The following SEC16B variants were observed in gnomAD, a reference collection of about 807,000 sequenced individuals.
SEC16B encodes the protein SEC16 homolog B, endoplasmic reticulum export factor.
Under a neutral mutation model 141.8 loss-of-function variants are expected in SEC16B, and 115 were observed. The observed-to-expected ratio is 0.81, with a 90% CI of 0.70 to 0.95. The LOEUF is 0.95. Among genes scored for constraint, SEC16B ranks in the 40% least tolerant of loss-of-function variants. The pLI is 0.00. For synonymous variants in SEC16B, 493 were observed against 492.5 expected, an observed-to-expected ratio of 1.00 and a Z score of -0.01; for missense variants, 1,291 against 1,312.3, an observed-to-expected ratio of 0.98 and a Z score of 0.25.
At chr1:177,961,562 C>T in intron 6 of SEC16B, 28 bp downstream of exon 6, 2 of 1,585,532 alleles carry the variant, frequency 1.3e-6, no homozygotes, top group South Asian at 2.3e-5. Flanking sequence ...CAGATTCAAT[C>T]AACTCTTCTG....
exon 1 of SEC16B, chr1:177,984,253 C>A (rs1654542139): frequency 6.6e-6 from 1 of 152,186 alleles, no homozygotes; most frequent in African/African-American, 2.4e-5. Flanking sequence ...TCTGCTATAT[C>A]CCATCATGAC....
intron 5 of SEC16B, 44 bp downstream of exon 5, chr1:177,964,127 G>C: frequency 7.1e-7 from 1 of 1,415,646 alleles, no homozygotes; most frequent in Non-Finnish European, 9.8e-7. Flanking sequence ...TGTCAGCTGC[G>C]ACACATGGCC....
At chr1:177,981,398 C>T (rs1257432455) in intron 1 of SEC16B, among the ~76,000 whole-genome samples, 2 of 151,990 alleles carry the variant, frequency 1.3e-5, no homozygotes, top group Non-Finnish European at 2.9e-5. Flanking sequence ...AAAGCAGGCA[C>T]CCGGAACTTA....
chr1:177,961,635 G>A lies in SEC16B; in HGVS notation c.742C>T (p.Arg248Trp), dbSNP rs199920429. The A allele has an allele frequency of 2.2e-5, 36 of 1,613,860 alleles. No homozygotes were observed. The highest frequency in any genetic ancestry group is 8.3e-5 in the Admixed American group (5 of 59,992). The change falls in exon 6 of 26, where the codon CGG becomes TGG. Residue 248 changes from arginine to tryptophan, a missense_variant. Arg to Trp is a moderately radical substitution (Grantham distance 101). This residue lies in a region of SEC16B where 681 missense variants were observed against 675.5 expected (regional missense o/e 1.01). Transcript: ENST00000308284. ...GCTGCTGAAGCTGGGGGATCATCCC[G>A]CTCCGGGGCATCTCTGATGTACTGA... ...LSQYIRDAPE[R>W]DDPPASAAWS...
chr1:177,937,242 C>T lies in SEC16B; in HGVS notation c.2475G>A (p.Glu825=). Residue 825 remains glutamate, a synonymous_variant, in exon 19 of 26, where the codon GAG becomes GAA. Coordinates refer to ENST00000308284, the MANE Select transcript of SEC16B (RefSeq NM_033127.4). ...VTEATGGTVW[E]EMLQTHLGPG... ...GGCCCAGGTGTGTCTGCAGCATTTC[C>T]TCCCAGACTGTTCCTCCAGTGGCCT... 1 of 1,613,602 alleles carries T rather than the reference C, an allele frequency of 6.2e-7. No homozygotes were observed. The highest frequency in any genetic ancestry group is 1.1e-5 in the South Asian group (1 of 91,034).
At chr1:177,942,179 T>G in intron 15 of SEC16B, 139 bp from the exon 16 acceptor site, 1 of 934,750 alleles carries the variant, frequency 1.1e-6, no homozygotes, top group Non-Finnish European at 1.6e-6. Context: ...TTGTGCCATT[T>G]GGAGCATTTT....
intron 1 of SEC16B, among the ~76,000 whole-genome samples, chr1:177,975,956 T>C (rs1654154158): frequency 6.6e-6 from 1 of 152,108 alleles, no homozygotes; most frequent in African/African-American, 2.4e-5. Context: ...GGAGGGAGTG[T>C]GCCAAGAAAA....
At position 177,965,040 on chromosome 1, in the gene SEC16B, CACTT is replaced by C; in HGVS notation, c.533+3_533+6del. 1 of 1,613,114 alleles carries C rather than the reference CACTT, an allele frequency of 6.2e-7. No homozygotes were observed. On this transcript the variant is annotated splice_donor_5th_base_variant and intron_variant, in intron 4 of 25. Coordinates refer to ENST00000308284, the MANE Select transcript of SEC16B (RefSeq NM_033127.4). ...CATGTCAAACTGGCCTCTCCTTTCA[CACTT>C]ACTGGAAGTGGGTCTCACTATTTGT...
intron 19 of SEC16B, among the ~76,000 whole-genome samples, chr1:177,936,795 G>A (rs1425112928): frequency 6.6e-6 from 1 of 152,136 alleles, no homozygotes; most frequent in Non-Finnish European, 1.5e-5. Flanking sequence ...AGGTCTGATG[G>A]GCCTGAAGAA....
rs1651024526 is a variant in SEC16B, at chr1:177,938,400, T to G, written c.2204-887A>C. Among the ~76,000 whole-genome samples the G allele has an allele frequency of 2.0e-5, 3 of 152,344 alleles. No homozygotes were observed. In the South Asian group the frequency reaches 6.2e-4, roughly 32 times the overall value. ...CATGTGTTACACGCACATTAGTTCA[T>G]TATCCATGTGTGAGGACCTCCTTTG... is the stretch of plus-strand genomic sequence containing the variant. On this transcript the variant is annotated intron_variant, in intron 18 of 25. Coordinates refer to ENST00000308284, the MANE Select transcript of SEC16B (RefSeq NM_033127.4).
intron 24 of SEC16B, among the ~76,000 whole-genome samples, 181 bp downstream of exon 24, chr1:177,932,309 C>T (rs1384261698): frequency 6.6e-6 from 1 of 152,186 alleles, no homozygotes; most frequent in Admixed American, 6.5e-5. Context: ...GTGAGAAATT[C>T]GGTTTCTGTG....
Position 177,967,774 on chromosome 1 carries a change from G to C in SEC16B, c.208C>G (p.Pro70Ala). The C allele has an allele frequency of 6.2e-7, 1 of 1,613,960 alleles. No homozygotes were observed. Among genetic ancestry groups the C allele is most frequent in the Non-Finnish European group, 8.5e-7 (1 of 1,179,840 alleles). ...QEPRADHQQQ[P>A]HYASRPGDWH... Reference sequence around the variant, plus strand: ...TCCCCTGGCCTGGATGCATAATGGGGCTGCTGCTGATGGTCTGCCCTGGGC... The same window carrying C: ...TCCCCTGGCCTGGATGCATAATGGGCCTGCTGCTGATGGTCTGCCCTGGGC... The change falls in exon 2 of 26, where the codon CCC (proline) becomes GCC (alanine). Residue 70 changes from proline (P) to alanine (A), a missense_variant. Pro to Ala is a conservative substitution (Grantham distance 27). Coordinates refer to ENST00000308284, the MANE Select transcript of SEC16B (RefSeq NM_033127.4).
chr1:177,937,229 T>C lies in SEC16B; in HGVS notation c.2488A>G (p.Thr830Ala). The change falls in exon 19 of 26, where the codon ACA becomes GCA. Residue 830 changes from threonine (T) to alanine (A), a missense_variant. Physicochemically the swap from Thr to Ala is moderately conservative, Grantham distance 58 (BLOSUM62 0). This residue lies in a region of SEC16B where 605 missense variants were observed against 614.1 expected (regional missense o/e 0.99). Transcript: ENST00000308284. ...GGTVWEEMLQTHLGPGENTVS... is the reference protein window; with the variant it reads ...GGTVWEEMLQAHLGPGENTVS... Reference sequence around the variant, plus strand: ...CAGGTCTTACCAGGGCCCAGGTGTGTCTGCAGCATTTCCTCCCAGACTGTT... The same window carrying C: ...CAGGTCTTACCAGGGCCCAGGTGTGCCTGCAGCATTTCCTCCCAGACTGTT... The C allele has an allele frequency of 6.2e-7, 1 of 1,612,734 alleles. No homozygotes were observed. Among genetic ancestry groups the C allele is most frequent in the African/African-American group, 1.3e-5 (1 of 75,026 alleles).
At chr1:177,933,987 G>GCCCC (rs200989084) in intron 20 of SEC16B, among the ~76,000 whole-genome samples, 3 of 144,778 alleles carry the variant, frequency 2.1e-5, no homozygotes, top group African/African-American at 5.2e-5. Context: ...AGGCCCACAA[G>GCCCC]CTCCCCCCAA....
chr1:177,966,627 G>A (rs943292542), intron 2 of SEC16B, among the ~76,000 whole-genome samples: 2 of 152,076 alleles, frequency 1.3e-5, no homozygotes, highest in South Asian at 2.1e-4. Flanking sequence ...GTGCAGTGGC[G>A]TGATCTTGGC....
At chr1:177,933,184 G>GGTGCCCACAGAGA (rs1650575224) in intron 22 of SEC16B, 30 bp downstream of exon 22, 3 of 1,529,704 alleles carry the variant, frequency 2.0e-6, no homozygotes, top group Non-Finnish European at 2.7e-6. Flanking sequence ...CCCACAGAGA[G>GGTGCCCACAGAGA]GGGCATCCTC....
At chr1:177,979,046 T>C (rs946964513) in intron 1 of SEC16B, among the ~76,000 whole-genome samples, 1 of 152,118 alleles carries the variant, frequency 6.6e-6, no homozygotes, top group Non-Finnish European at 1.5e-5. Context: ...ATTCACAGAG[T>C]GTGTCAGTAC....
At position 177,958,249 on chromosome 1, in the gene SEC16B, C is replaced by G; in HGVS notation, c.1248G>C (p.Trp416Cys). 6.2e-7 allele frequency: 1 copy of G among 1,610,186 alleles called. No homozygotes were observed. Among genetic ancestry groups the G allele is most frequent in the South Asian group, 1.1e-5 (1 of 89,624 alleles). ...TCGGGGTCCCAGAGCTCAGCACTGG[C>G]CAGTCCTCATCGGTCAGGTTGATGA... is the stretch of plus-strand genomic sequence containing the variant. Reference protein sequence around the residue: ...ANLINLTDEDWPVLSSGTPNL... With the variant: ...ANLINLTDEDCPVLSSGTPNL... The change falls in exon 10 of 26, where the codon TGG (tryptophan) becomes TGC (cysteine). Residue 416 changes from tryptophan (W) to cysteine (C), a missense_variant. Physicochemically the swap from Trp to Cys is radical, Grantham distance 215. This residue lies in a region of SEC16B where 681 missense variants were observed against 675.5 expected (regional missense o/e 1.01). Transcript: ENST00000308284.
chr1:177,982,042 G>A (rs1358106581), intron 1 of SEC16B, among the ~76,000 whole-genome samples: 1 of 152,194 alleles, frequency 6.6e-6, no homozygotes, highest in Non-Finnish European at 1.5e-5. Context: ...TGAAGACTAA[G>A]AAGGCAAAGT....
Sources: gnomAD v4.1 joint callset for allele counts (sites outside exome capture counted in the v4.1 genomes callset) on GRCh38, gnomAD v4.1.1 for gene constraint, gnomAD v4.1.1 regional missense constraint, MANE v1.5 for transcripts, NCBI Gene and HGNC (gene_info 2026-07-23, HGNC 2026-07-21) for gene names.